CD82: variants seen among roughly 807,000 people sequenced by gnomAD.
CD82 encodes CD82 molecule.
In CD82, 36 loss-of-function variants were observed where a neutral mutation model predicts 37.4. That is an observed-to-expected ratio of 0.96 (90% CI 0.74 to 1.27). CD82 has a LOEUF of 1.27. CD82 is among the 50% of genes most tolerant of loss of function. CD82 has a pLI of 0.00. For synonymous variants in CD82, 158 were observed against 137.4 expected (o/e 1.15, Z -1.05); for missense variants, 340 against 347.0 (o/e 0.98, Z 0.16).
Position 44,619,823 on chromosome 11 carries a change from G to A in CD82, c.*697G>A, listed in dbSNP as rs1158516506. The A allele has an allele frequency of 6.6e-6, 1 of 151,626 alleles. No homozygotes were observed. The highest frequency in any genetic ancestry group is 1.5e-5 in the Non-Finnish European group (1 of 67,960). 9.4% of individuals were successfully genotyped at this position (151,626 alleles called of 1,614,324 possible). On this transcript the variant is annotated 3_prime_UTR_variant, in exon 10 of 10. Coordinates refer to ENST00000227155, the MANE Select transcript of CD82 (RefSeq NM_002231.4). ...GGAAGGGCGTTAGATAAGGCACTCT[G>A]GGCTGTCAGGAGACTGCCTACTGGG...
At chr11:44,577,084 G>A (rs528034394) in intron 1 of CD82, among the ~76,000 whole-genome samples, 7 of 152,178 alleles carry the variant, frequency 4.6e-5, no homozygotes, top group East Asian at 3.9e-4. Context: ...TGGGATCTTC[G>A]CTGTTGGCCA....
chr11:44,565,484 G>C (rs966669093), upstream of CD82: 10 of 152,276 alleles, frequency 6.6e-5, no homozygotes, highest in African/African-American at 2.4e-4. Flanking sequence ...GGGCGAGGCT[G>C]GTTGGGGTAC....
At position 44,618,182 on chromosome 11, in the gene CD82, C is replaced by T. The variant is rs777519636; in HGVS notation, c.459C>T (p.Val153=). The T allele has an allele frequency of 6.2e-7, 1 of 1,613,992 alleles. No homozygotes were observed. Among genetic ancestry groups the T allele is most frequent in the East Asian group, 2.2e-5 (1 of 44,868 alleles). The change falls in exon 8 of 10, where the codon GTC becomes GTT. Residue 153 remains valine, a synonymous_variant. Transcript: ENST00000227155. ...CCCAGGTGAAGTGCTGCGGCTGGGT[C>T]AGCTTCTACAACTGGACAGACAACG... The part of the protein sequence containing the change: ...VQAQVKCCGW[V]SFYNWTDNAE...
chr11:44,580,210 G>A (rs969399840), intron 1 of CD82, among the ~76,000 whole-genome samples: 2 of 152,130 alleles, frequency 1.3e-5, no homozygotes, highest in South Asian at 2.1e-4. Context: ...CCTCCACACC[G>A]GCCCATCTCT....
At chr11:44,618,119 G>T (rs376302357) in intron 7 of CD82, 43 bp from the exon 8 acceptor site, 5 of 1,588,538 alleles carry the variant, frequency 3.1e-6, no homozygotes, top group Admixed American at 1.7e-5. Flanking sequence ...GCCTGCCTAG[G>T]GTGAGCCGTG....
chr11:44,566,837 T>G (rs574542625), intron 1 of CD82, among the ~76,000 whole-genome samples: 1 of 152,072 alleles, frequency 6.6e-6, no homozygotes. Context: ...CAGCCCCTCC[T>G]GACCTTGTGA....
chr11:44,579,794 G>A (rs550634607), intron 1 of CD82, among the ~76,000 whole-genome samples: 1 of 152,342 alleles, frequency 6.6e-6, no homozygotes, highest in South Asian at 2.1e-4. Flanking sequence ...GATCTCCGCA[G>A]TAGACCATGG....
At chr11:44,572,933 G>C (rs902538629) in intron 1 of CD82, 2 of 152,290 alleles carry the variant, frequency 1.3e-5, no homozygotes, top group African/African-American at 4.8e-5. Context: ...CACAGGACGT[G>C]CTGGACAGGA....
intron 3 of CD82, among the ~76,000 whole-genome samples, chr11:44,598,676 C>T (rs1448874375): frequency 6.6e-6 from 1 of 152,014 alleles, no homozygotes; most frequent in Non-Finnish European, 1.5e-5. Flanking sequence ...TTTGGTGCCT[C>T]CTCATGTGTT....
intron 6 of CD82, among the ~76,000 whole-genome samples, chr11:44,608,620 T>C (rs1212353702): frequency 6.6e-6 from 1 of 152,252 alleles, no homozygotes; most frequent in Non-Finnish European, 1.5e-5. Flanking sequence ...CCACTGTCCC[T>C]TCTCTGCAAT....
At chr11:44,612,196 C>A (rs563742449) in intron 6 of CD82, among the ~76,000 whole-genome samples, 2 of 152,206 alleles carry the variant, frequency 1.3e-5, no homozygotes, top group African/African-American at 2.4e-5. Context: ...TGGGTATAGC[C>A]GTGTGGTTTA....
chr11:44,602,716 A>G (rs1226594473), intron 4 of CD82, among the ~76,000 whole-genome samples: 2 of 152,282 alleles, frequency 1.3e-5, no homozygotes, highest in South Asian at 2.1e-4. Context: ...GGCCTACCCC[A>G]GAGCATACCC....
At position 44,586,728 on chromosome 11, in the gene CD82, G is replaced by A. The variant is rs72905694; in HGVS notation, c.-102-747G>A. ...CAACCCATCTCTACCCCAATCCAGC[G>A]ATATCATTCTAAGGATCAGAAACCT... On this transcript the variant is annotated intron_variant, in intron 1 of 9. Coordinates refer to ENST00000227155, the MANE Select transcript of CD82 (RefSeq NM_002231.4). 3.9e-3 allele frequency among the ~76,000 whole-genome samples: 601 copies of A among 152,278 alleles called. 2 individuals are homozygous for A. The highest frequency in any genetic ancestry group is 6.8e-3 in the Middle Eastern group (2 of 294).
chr11:44,571,626 G>C (rs1274952011), intron 1 of CD82, among the ~76,000 whole-genome samples: 16 of 152,022 alleles, frequency 1.1e-4, no homozygotes, highest in Admixed American at 1.0e-3. Flanking sequence ...TGAGGCTGGA[G>C]TGCAGTGGTG....
At chr11:44,567,327 C>T (rs1386224570) in intron 1 of CD82, among the ~76,000 whole-genome samples, 1 of 152,080 alleles carries the variant, frequency 6.6e-6, no homozygotes, top group Non-Finnish European at 1.5e-5. Context: ...ATGGAACAAA[C>T]TGGAAAGTGC....
At position 44,605,250 on chromosome 11, in the gene CD82, G is replaced by A. The variant is rs1029081731; in HGVS notation, c.261+68G>A. The A allele has an allele frequency of 1.3e-5, 21 of 1,607,038 alleles. No individual in the cohort carries two copies. In the African/African-American group the frequency reaches 1.3e-4, roughly 10 times the overall value. On this transcript the variant is annotated intron_variant, in intron 5 of 9. Transcript: ENST00000227155. Reference sequence around the variant, plus strand: ...ATCCAGCCGAGTGCAGCCTGACCGCGGCGCTGGCCGTAACATCGGGTGGAG... The same window carrying A: ...ATCCAGCCGAGTGCAGCCTGACCGCAGCGCTGGCCGTAACATCGGGTGGAG...
At chr11:44,596,718 T>C in intron 3 of CD82, 1 of 349,514 alleles carries the variant, frequency 2.9e-6, no homozygotes, top group Non-Finnish European at 5.7e-6. Flanking sequence ...AGGGTGAGAG[T>C]GAAAGAGGAG....
chr11:44,614,855 G>C (rs1286870026), intron 6 of CD82, among the ~76,000 whole-genome samples: 1 of 152,206 alleles, frequency 6.6e-6, no homozygotes, highest in African/African-American at 2.4e-5. Flanking sequence ...AGGCAGGAGT[G>C]TGCCTGGCAC....
intron 6 of CD82, among the ~76,000 whole-genome samples, chr11:44,611,526 G>A (rs536868407): frequency 3.1e-4 from 47 of 152,350 alleles, no homozygotes; most frequent in South Asian, 2.1e-3. Flanking sequence ...TTCTGGCATC[G>A]AGGGAGTGGG....
Sources: gnomAD v4.1 joint callset for allele counts (sites outside exome capture counted in the v4.1 genomes callset) on GRCh38, gnomAD v4.1.1 for gene constraint, MANE v1.5 for transcripts, NCBI Gene and HGNC (gene_info 2026-07-23, HGNC 2026-07-21) for gene names.